The following TDRP variants were observed in gnomAD, a reference collection of about 807,000 sequenced individuals.
TDRP encodes the protein testis development related protein.
In TDRP, 12 loss-of-function variants were observed where a neutral mutation model predicts 10.5. The ratio of observed to expected loss-of-function variants is 1.15; its 90% CI spans 0.73 to 1.86. The LOEUF (loss-of-function observed/expected upper bound fraction) is 1.86. Among genes scored for constraint, TDRP ranks in the 40% most tolerant of loss-of-function variants. The pLI, the probability that TDRP is intolerant of heterozygous loss-of-function variation, is 0.00. For synonymous variants in TDRP, 139 were observed against 95.4 expected (o/e 1.46, Z -2.67); for missense variants, 353 against 229.2 (o/e 1.54, Z -3.49).
rs1177256706 is a variant in TDRP at position 492,328 on chromosome 8, A to G, written c.*71T>C. ...ACTCTCTATTCTTTCTAACGCGGAA[A>G]AGACTCAACAACTACATGGTATACT... On this transcript the variant is annotated 3_prime_UTR_variant, in exon 3 of 3. Coordinates refer to ENST00000324079, the MANE Select transcript of TDRP (RefSeq NM_001384899.1). 6 of 1,391,754 alleles carry G rather than the reference A, an allele frequency of 4.3e-6. No individual in the cohort carries two copies. Among genetic ancestry groups the G allele is most frequent in the Non-Finnish European group, 4.7e-6 (5 of 1,069,192 alleles). 86.2% of individuals were successfully genotyped at this position (1,391,754 alleles called of 1,614,324 possible). A position where few individuals can be genotyped will look rare whatever the true frequency, so the allele number is the denominator to read the frequency against.
chr8:539,569 T>G (rs1233641963), intron 1 of TDRP, among the ~76,000 whole-genome samples: 1 of 152,156 alleles, frequency 6.6e-6, no homozygotes, highest in African/African-American at 2.4e-5. Context: ...AAAAGGCAGG[T>G]GTGAAGGTGT....
At chr8:542,920 T>G (rs1056884762) in intron 1 of TDRP, among the ~76,000 whole-genome samples, 2 of 151,894 alleles carry the variant, frequency 1.3e-5, no homozygotes, top group African/African-American at 2.4e-5. Flanking sequence ...AAAGGAGCTT[T>G]AACGAAGGCA....
intron 2 of TDRP, among the ~76,000 whole-genome samples, chr8:494,155 G>A (rs1801063143): frequency 6.6e-6 from 1 of 151,708 alleles, no homozygotes; most frequent in Admixed American, 6.6e-5. Context: ...TATAGACGGG[G>A]TTTCACCATG....
intron 1 of TDRP, among the ~76,000 whole-genome samples, chr8:503,672 C>G (rs1387681427): frequency 7.0e-6 from 1 of 142,380 alleles, no homozygotes; most frequent in Admixed American, 7.1e-5. Flanking sequence ...TCAACACACA[C>G]CAACACGGAA....
intron 1 of TDRP, among the ~76,000 whole-genome samples, chr8:513,901 A>C (rs1303835799): frequency 6.6e-6 from 1 of 152,254 alleles, no homozygotes. Flanking sequence ...AGTTACAATT[A>C]CATCAAAATA....
At chr8:496,320 G>A (rs77608619) in intron 1 of TDRP, among the ~76,000 whole-genome samples, 3 of 152,190 alleles carry the variant, frequency 2.0e-5, no homozygotes, top group Non-Finnish European at 4.4e-5. Context: ...ATCCTATCAA[G>A]AAGTCTCAAT....
rs1476739292 is a variant in TDRP, at chr8:526,388, C to T, written c.108+18262G>A. The stretch of plus-strand genomic sequence containing the variant: ...GCTATTATTATGTGGAGTTATGTTC[C>T]TTCTATACAGTTTTTTGAGCGTTCT... On this transcript the variant is annotated intron_variant, in intron 1 of 2. Coordinates refer to ENST00000324079, the MANE Select transcript of TDRP (RefSeq NM_001384899.1). Among the ~76,000 whole-genome samples, 4 of 152,064 alleles carry T rather than the reference C, an allele frequency of 2.6e-5. No homozygotes were observed. The East Asian group carries it at 7.7e-4, about 29-fold the overall frequency.
At chr8:529,197 C>A (rs1260138760) in intron 1 of TDRP, among the ~76,000 whole-genome samples, 3 of 152,156 alleles carry the variant, frequency 2.0e-5, no homozygotes, top group Non-Finnish European at 4.4e-5. Context: ...AGACATACCC[C>A]AGGATCAATA....
At chr8:530,378 G>C (rs775918340) in intron 1 of TDRP, among the ~76,000 whole-genome samples, 83 of 151,924 alleles carry the variant, frequency 5.5e-4, no homozygotes, top group Non-Finnish European at 9.9e-4. Flanking sequence ...GATTTATTTT[G>C]TTCCATTAAT....
At chr8:494,250 CA>C (rs1219584466) in intron 2 of TDRP, among the ~76,000 whole-genome samples, 4 of 152,042 alleles carry the variant, frequency 2.6e-5, no homozygotes, top group African/African-American at 9.7e-5. Context: ...CATGAGCCAC[CA>C]TGCCCAGCCC....
intron 1 of TDRP, among the ~76,000 whole-genome samples, chr8:495,167 A>G (rs374618640): frequency 1.6e-4 from 25 of 152,152 alleles, no homozygotes; most frequent in African/African-American, 5.8e-4. Flanking sequence ...CCAGGAGGTC[A>G]AGGCTGCAGA....
intron 1 of TDRP, among the ~76,000 whole-genome samples, chr8:510,628 T>C (rs1801591217): frequency 2.0e-5 from 3 of 152,190 alleles, no homozygotes; most frequent in Non-Finnish European, 4.4e-5. Context: ...AAAAATCCTA[T>C]ATCCAGCAAA....
At chr8:541,119 A>T (rs1413726366) in intron 1 of TDRP, among the ~76,000 whole-genome samples, 2 of 152,264 alleles carry the variant, frequency 1.3e-5, no homozygotes, top group African/African-American at 4.8e-5. Flanking sequence ...TCAAAATTTA[A>T]TTCTAATTTA....
Position 491,521 on chromosome 8 carries a change from G to C in TDRP, c.*878C>G. ...ACAGATCTAACACCAATCACAATAG[G>C]CATCTCGCTTTGCAAGAACAAACAT... On this transcript the variant is annotated 3_prime_UTR_variant, in exon 3 of 3. Transcript: ENST00000324079. 9 of 1,228,154 alleles carry C rather than the reference G, an allele frequency of 7.3e-6. No individual in the cohort carries two copies. The highest frequency in any genetic ancestry group is 8.9e-6 in the Non-Finnish European group (8 of 902,388). 76.1% of individuals were successfully genotyped at this position (1,228,154 alleles called of 1,614,324 possible). A position where few individuals can be genotyped will look rare whatever the true frequency, so the allele number is the denominator to read the frequency against.
In TDRP at chr8:494,646, G is replaced by T. The variant is rs373789914; in HGVS notation, c.109-49C>A. On this transcript the variant is annotated intron_variant, in intron 1 of 2. Transcript: ENST00000324079. ...TCAAATCTGATGTCATGAATCAACAGAATTCCGCTTTCTACTCCAATAACC... is the reference window on the plus strand; with the variant it reads ...TCAAATCTGATGTCATGAATCAACATAATTCCGCTTTCTACTCCAATAACC... 8.5e-6 allele frequency: 13 copies of T among 1,528,834 alleles called. No individual in the cohort carries two copies. The Admixed American group carries it at 2.0e-4, about 24-fold the overall frequency. The allele number at this position is 1,528,834 out of a possible 1,614,324, so 94.7% of individuals were successfully genotyped here.
chr8:544,442 C>CA (rs1046075524), intron 1 of TDRP, among the ~76,000 whole-genome samples: 1 of 152,104 alleles, frequency 6.6e-6, no homozygotes, highest in African/African-American at 2.4e-5. Flanking sequence ...AGCGGCAACT[C>CA]AGCCCAGGAC....
rs970458022 is a variant in TDRP at position 491,574 on chromosome 8, A to T, written c.*825T>A. ...GAGCCTAATAAAAAAGAGGCACTTC[A>T]GTATTTTATGCACAGTCTTAACTCT... On this transcript the variant is annotated 3_prime_UTR_variant, in exon 3 of 3. Transcript: ENST00000324079. 1 of 1,490,950 alleles carries T rather than the reference A, an allele frequency of 6.7e-7. No homozygotes were observed. Among genetic ancestry groups the T allele is most frequent in the Non-Finnish European group, 8.9e-7 (1 of 1,129,120 alleles). 92.4% of individuals were successfully genotyped at this position (1,490,950 alleles called of 1,614,324 possible). A position where few individuals can be genotyped will look rare whatever the true frequency, so the allele number is the denominator to read the frequency against.
chr8:531,440 G>C (rs900949658), intron 1 of TDRP, among the ~76,000 whole-genome samples: 10 of 152,162 alleles, frequency 6.6e-5, no homozygotes, highest in African/African-American at 2.4e-4. Context: ...AGTCTTGCGG[G>C]AATGACTCCT....
chr8:513,918 T>C (rs780369531), intron 1 of TDRP, among the ~76,000 whole-genome samples: 2 of 152,152 alleles, frequency 1.3e-5, no homozygotes, highest in Non-Finnish European at 2.9e-5. Context: ...AATAATAAAA[T>C]ACTTAGGAAT....
Sources: gnomAD v4.1 joint callset for allele counts (sites outside exome capture counted in the v4.1 genomes callset) on GRCh38, gnomAD v4.1.1 for gene constraint, MANE v1.5 for transcripts, NCBI Gene and HGNC (gene_info 2026-07-23, HGNC 2026-07-21) for gene names.